The following IQGAP2 variants were observed in gnomAD, a reference collection of about 807,000 sequenced individuals.
IQGAP2 encodes the protein ras GTPase-activating-like protein IQGAP2.
A neutral mutation model predicts 201.3 loss-of-function variants in IQGAP2; 173 were observed. The observed-to-expected ratio is 0.86, with a 90% CI of 0.76 to 0.98. IQGAP2 has a LOEUF of 0.98. Among genes scored for constraint, IQGAP2 ranks in the 50% least tolerant of loss-of-function variants. The pLI is 0.00. For synonymous variants in IQGAP2, 675 were observed against 673.9 expected, an observed-to-expected ratio of 1.00 and a Z score of -0.03; for missense variants, 1,687 against 1,864.8, an observed-to-expected ratio of 0.90 and a Z score of 1.76.
At chr5:76,479,881 G>A (rs188018459) in intron 2 of IQGAP2, among the ~76,000 whole-genome samples, 2 of 151,014 alleles carry the variant, frequency 1.3e-5, no homozygotes, top group East Asian at 3.9e-4. Context: ...GTGTAGAACT[G>A]TGTGTGTGTG....
At chr5:76,558,626 T>C (rs1387956036) in intron 2 of IQGAP2, among the ~76,000 whole-genome samples, 1 of 152,248 alleles carries the variant, frequency 6.6e-6, no homozygotes, top group African/African-American at 2.4e-5. Context: ...GTGAATGATA[T>C]GCATGATATG....
intron 20 of IQGAP2, among the ~76,000 whole-genome samples, chr5:76,657,137 A>T (rs1201344321): frequency 2.0e-5 from 3 of 152,226 alleles, no homozygotes; most frequent in Admixed American, 1.3e-4. Flanking sequence ...GAGCCATAAC[A>T]ATTAGTAAAG....
chr5:76,703,653 C>CAAAA (rs60408771), intron 35 of IQGAP2, among the ~76,000 whole-genome samples: 5 of 135,724 alleles, frequency 3.7e-5, no homozygotes, highest in African/African-American at 1.4e-4. Context: ...AGTTTCTGTG[C>CAAAA]AAAAAAAAAA....
rs929388707 is a variant in IQGAP2 at position 76,597,520 on chromosome 5, A to C, written c.989A>C (p.Glu330Ala). Residue 330 changes from glutamate (E) to alanine (A), a missense_variant, in exon 10 of 36, where the codon GAG (glutamate) becomes GCG (alanine). Glu to Ala is a moderately radical substitution (Grantham distance 107, BLOSUM62 -1). Coordinates refer to ENST00000274364, the MANE Select transcript of IQGAP2 (RefSeq NM_006633.5). ...ACGCTGCTTGCACTGAAGAAACCAG[A>C]GGCCCAGCTGCCTGCTGTTTATCCC... The part of the protein sequence containing the change: ...ENTLLALKKP[E>A]AQLPAVYPFA... The C allele has an allele frequency of 6.2e-7, 1 of 1,613,944 alleles. No homozygotes were observed. Among genetic ancestry groups the C allele is most frequent in the Admixed American group, 1.7e-5 (1 of 59,986 alleles).
chr5:76,463,011 C>T (rs1162954987), intron 2 of IQGAP2, among the ~76,000 whole-genome samples: 1 of 151,164 alleles, frequency 6.6e-6, no homozygotes, highest in African/African-American at 2.4e-5. Context: ...TGGTCCCAAC[C>T]ACTCCTGAGG....
chr5:76,413,156 C>CTTTTTTTTTTTTTTTTTTTTTTTCTT (rs1751219454), intron 1 of IQGAP2, among the ~76,000 whole-genome samples: 1 of 83,720 alleles, frequency 1.2e-5, no homozygotes, highest in Non-Finnish European at 2.2e-5. Flanking sequence ...TTTCTTTTCT[C>CTTTTTTTTTTTTTTTTTTTTTTTCTT]TTTTTTTTTT....
chr5:76,534,447 GA>G (rs778895379), intron 2 of IQGAP2, among the ~76,000 whole-genome samples: 7 of 152,186 alleles, frequency 4.6e-5, no homozygotes, highest in Admixed American at 6.5e-5. Context: ...ATCTGGATGA[GA>G]AAACAGTTGT....
At chr5:76,477,392 A>G (rs1372998456) in intron 2 of IQGAP2, among the ~76,000 whole-genome samples, 1 of 152,152 alleles carries the variant, frequency 6.6e-6, no homozygotes, top group Non-Finnish European at 1.5e-5. Context: ...AGTGCTTTAC[A>G]CTATCTTGAG....
At chr5:76,581,602 A>G (rs1017445937) in intron 5 of IQGAP2, among the ~76,000 whole-genome samples, 2 of 152,124 alleles carry the variant, frequency 1.3e-5, no homozygotes, top group African/African-American at 4.8e-5. Context: ...CTCTTAAGAG[A>G]CTATGAACCA....
intron 1 of IQGAP2, among the ~76,000 whole-genome samples, chr5:76,437,631 G>GT (rs971464433): frequency 2.0e-4 from 30 of 152,248 alleles, no homozygotes; most frequent in Non-Finnish European, 4.1e-4. Context: ...GTGGTGTTTG[G>GT]TTTTTTGTTC....
intron 1 of IQGAP2, among the ~76,000 whole-genome samples, chr5:76,431,817 CAAAAAA>C (rs11292591): frequency 8.8e-6 from 1 of 114,110 alleles, no homozygotes. Flanking sequence ...GACTCTGTAT[CAAAAAA>C]AAAAAAAAAA....
At chr5:76,682,010 G>C (rs184393869) in intron 28 of IQGAP2, among the ~76,000 whole-genome samples, 25 of 152,190 alleles carry the variant, frequency 1.6e-4, no homozygotes, top group Non-Finnish European at 3.2e-4. Context: ...GGTACCTAGA[G>C]TAGTCAAATA....
intron 22 of IQGAP2, among the ~76,000 whole-genome samples, chr5:76,667,263 C>G (rs1188756961): frequency 6.6e-6 from 1 of 152,138 alleles, no homozygotes; most frequent in Non-Finnish European, 1.5e-5. Flanking sequence ...AGAAAAAGTA[C>G]TGAGCTGCTT....
At chr5:76,435,462 A>G (rs1438568921) in intron 1 of IQGAP2, among the ~76,000 whole-genome samples, 5 of 152,008 alleles carry the variant, frequency 3.3e-5, no homozygotes, top group Admixed American at 6.6e-5. Flanking sequence ...ATCCTTTTCC[A>G]GTTTATGTTT....
At chr5:76,419,021 T>C (rs1310512499) in intron 1 of IQGAP2, among the ~76,000 whole-genome samples, 1 of 152,224 alleles carries the variant, frequency 6.6e-6, no homozygotes, top group Non-Finnish European at 1.5e-5. Context: ...TCAACCTGGC[T>C]ACCCACTGAA....
At position 76,707,792 on chromosome 5, in the gene IQGAP2, A is replaced by T. The variant is rs1473684941; in HGVS notation, c.*479A>T. On this transcript the variant is annotated 3_prime_UTR_variant, in exon 36 of 36. Transcript: ENST00000274364. ...CTTCTGGGAGTTATCAATTTTAAAG[A>T]GAACTTTTGTGCAATTCAAATGAAG... 6.5e-6 allele frequency: 1 copy of T among 152,872 alleles called. No individual in the cohort carries two copies. Among genetic ancestry groups the T allele is most frequent in the Non-Finnish European group, 1.5e-5 (1 of 68,180 alleles). 9.5% of individuals were successfully genotyped at this position (152,872 alleles called of 1,614,324 possible). A position where few individuals can be genotyped will look rare whatever the true frequency, so the allele number is the denominator to read the frequency against.
intron 27 of IQGAP2, among the ~76,000 whole-genome samples, chr5:76,676,333 G>A (rs1274544946): frequency 2.6e-5 from 4 of 152,110 alleles, no homozygotes; most frequent in African/African-American, 9.7e-5. Flanking sequence ...TAGGAAAGCC[G>A]ACTGTTACAT....
At chr5:76,665,841 G>A (rs1743709593) in intron 22 of IQGAP2, among the ~76,000 whole-genome samples, 1 of 152,182 alleles carries the variant, frequency 6.6e-6, no homozygotes, top group South Asian at 2.1e-4. Flanking sequence ...AGCCCTACTA[G>A]CACATACAGC....
chr5:76,510,943 AGT>A (rs1393950654), intron 2 of IQGAP2, among the ~76,000 whole-genome samples: 1 of 152,334 alleles, frequency 6.6e-6, no homozygotes, highest in Admixed American at 6.5e-5. Context: ...CATGCTGAAC[AGT>A]GTGGGAGCCT....
Sources: gnomAD v4.1 joint callset for allele counts (sites outside exome capture counted in the v4.1 genomes callset) on GRCh38, gnomAD v4.1.1 for gene constraint, MANE v1.5 for transcripts, NCBI Gene and HGNC (gene_info 2026-07-23, HGNC 2026-07-21) for gene names.